ASPSCR1: variants seen among roughly 807,000 people sequenced by gnomAD.
ASPSCR1 encodes the protein ASPSCR1 tether for SLC2A4, UBX domain containing.
A neutral mutation model predicts 68.9 loss-of-function variants in ASPSCR1; 55 were observed. That is an observed-to-expected ratio of 0.80 (90% confidence interval 0.64 to 1.00). The LOEUF (loss-of-function observed/expected upper bound fraction) is 1.00, where lower values mean the gene tolerates loss of function less well. ASPSCR1 is among the 50% of genes least tolerant of loss of function. The pLI, the probability that ASPSCR1 is intolerant of heterozygous loss-of-function variation, is 0.00. For missense variants in ASPSCR1, 765 were observed against 762.2 expected (o/e 1.00, Z -0.04); for synonymous variants, 352 against 332.6 (o/e 1.06, Z -0.63).
chr17:82,011,225 C>T (rs932229956), intron 10 of ASPSCR1, among the ~76,000 whole-genome samples: 2 of 151,836 alleles, frequency 1.3e-5, no homozygotes, highest in East Asian at 1.9e-4. Flanking sequence ...TGACCTGTAC[C>T]CAGACGGCCG....
At chr17:81,993,508 C>T (rs539434848) in intron 4 of ASPSCR1, among the ~76,000 whole-genome samples, 13 of 152,276 alleles carry the variant, frequency 8.5e-5, no homozygotes, top group South Asian at 6.2e-4. Context: ...CCACCGCGCC[C>T]GGCTGAGTCC....
rs552197975 is a variant in ASPSCR1, at chr17:82,010,837, C to T, written c.1206C>T (p.Val402=). 2.6e-5 allele frequency: 42 copies of T among 1,613,144 alleles called. No homozygotes were observed. The South Asian group carries it at 4.2e-4, about 16-fold the overall frequency. ...ALRVLFPDRY[V]LQGFFRPSET... The stretch of plus-strand genomic sequence containing the variant: ...GGGTCCTGTTCCCCGACCGCTACGT[C>T]CTACAGGGCTTCTTCCGCCCCAGCG... The change falls in exon 10 of 16, where the codon GTC becomes GTT. Residue 402 remains valine (V), a synonymous_variant. Transcript: ENST00000306739.
In ASPSCR1 at chr17:81,977,901, T is replaced by C. The variant is rs1303787513; in HGVS notation, c.102+153T>C. 2.1e-6 allele frequency: 1 copy of C among 478,540 alleles called. No homozygotes were observed. The highest frequency in any genetic ancestry group is 3.1e-6 in the Non-Finnish European group (1 of 319,086). The allele number at this position is 478,540 out of a possible 1,614,324, so 29.6% of individuals were successfully genotyped here. A position where few individuals can be genotyped will look rare whatever the true frequency, so the allele number is the denominator to read the frequency against. On this transcript the variant is annotated intron_variant, in intron 1 of 15. Coordinates refer to ENST00000306739, the MANE Select transcript of ASPSCR1 (RefSeq NM_024083.4). The surrounding 1 kb of genome is among the most constrained non-coding windows in gnomAD (Gnocchi z 5.0). Reference sequence around the variant, plus strand: ...CGGCGGCCCCGCCCCCTGCTCGCCGTCACCTGCGCTTCCGCTGGGGTCCCG... The same window carrying C: ...CGGCGGCCCCGCCCCCTGCTCGCCGCCACCTGCGCTTCCGCTGGGGTCCCG...
At chr17:81,995,334 G>C (rs749763768) in intron 5 of ASPSCR1, 3 of 309,326 alleles carry the variant, frequency 9.7e-6, no homozygotes, top group African/African-American at 6.5e-5. Context: ...GACATTCCCC[G>C]CATTTATCCC....
intron 8 of ASPSCR1, 109 bp downstream of exon 8, chr17:82,009,300 C>G: frequency 6.9e-7 from 1 of 1,441,696 alleles, no homozygotes. Context: ...GGCCCAGGTC[C>G]CTGACAGGCT....
At chr17:82,011,982 G>T in intron 11 of ASPSCR1, 1 of 636,958 alleles carries the variant, frequency 1.6e-6, no homozygotes, top group Non-Finnish European at 2.8e-6. Flanking sequence ...CAAAGGGTTA[G>T]GCTGCCCACT....
rs897805044 is a variant in ASPSCR1 at position 81,987,490 on chromosome 17, C to T, written c.374+1883C>T. On this transcript the variant is annotated intron_variant, in intron 4 of 15. Transcript: ENST00000306739. The surrounding 1 kb of genome is among the most constrained non-coding windows in gnomAD (Gnocchi z 5.6). ...ACAGAATCCAGTGCTCCCACAGGCA[C>T]AGGTGCTTGGTGAGGGCCGTCCTCC... Among the ~76,000 whole-genome samples the T allele has an allele frequency of 1.3e-5, 2 of 152,202 alleles. No individual in the cohort carries two copies. Among genetic ancestry groups the T allele is most frequent in the African/African-American group, 2.4e-5 (1 of 41,446 alleles).
At chr17:81,980,063 A>G (rs535439608) in intron 2 of ASPSCR1, among the ~76,000 whole-genome samples, 4 of 152,094 alleles carry the variant, frequency 2.6e-5, no homozygotes, top group Admixed American at 2.0e-4. Context: ...GCTCACTGCA[A>G]CCTCCACCTC....
In ASPSCR1 at chr17:81,990,249, T is replaced by C. The variant is rs2042116585; in HGVS notation, c.375-4572T>C. On this transcript the variant is annotated intron_variant, in intron 4 of 15. Transcript: ENST00000306739. The surrounding 1 kb of genome is among the most constrained non-coding windows in gnomAD (Gnocchi z 4.1). ...TTGTGCAGAGTCCTTGAGACCTGCA[T>C]GTATGGTGCACTTGGAGCATCTCGG... 6.6e-6 allele frequency among the ~76,000 whole-genome samples: 1 copy of C among 152,178 alleles called. No homozygotes were observed.
chr17:82,002,848 G>T (rs761729576), intron 7 of ASPSCR1, among the ~76,000 whole-genome samples: 1 of 151,762 alleles, frequency 6.6e-6, no homozygotes, highest in African/African-American at 2.4e-5. Context: ...GTGAGCCACC[G>T]CGCCCGGCCT....
At chr17:82,016,742 G>A in intron 13 of ASPSCR1, 58 bp from the exon 14 acceptor site, 1 of 1,567,718 alleles carries the variant, frequency 6.4e-7, no homozygotes, top group African/African-American at 1.3e-5. Flanking sequence ...CAGATGCTGG[G>A]TGGATGGTGA....
chr17:81,984,949 G>A (rs113343287), intron 3 of ASPSCR1, among the ~76,000 whole-genome samples: 57 of 49,908 alleles, frequency 1.1e-3, no homozygotes, highest in African/African-American at 3.8e-3. Context: ...GCACACACCC[G>A]CACACACCCC....
intron 7 of ASPSCR1, chr17:82,006,123 A>G (rs7218409): frequency 0.16 from 20,750 of 130,168 alleles, 2,898 homozygotes; most frequent in African/African-American, 0.4. Context: ...CCTTGCGGGT[A>G]CACATGCGTG....
At position 81,983,554 on chromosome 17, in the gene ASPSCR1, G is replaced by A. The variant is rs1177577095; in HGVS notation, c.159G>A (p.Lys53=). 3.1e-6 allele frequency: 5 copies of A among 1,610,138 alleles called. No homozygotes were observed. In the African/African-American group the frequency reaches 5.3e-5, roughly 17 times the overall value. Reference sequence around the variant, plus strand: ...AAGTGTGCTCTGGTCTGTCTTGCAGGTTTCAGAGGAGCGTGCTCGACCTTT... The same window carrying A: ...AAGTGTGCTCTGGTCTGTCTTGCAGATTTCAGAGGAGCGTGCTCGACCTTT... ...QDFNPCEYDL[K]FQRSVLDLSL... Residue 53 remains lysine (K), a splice_region_variant and synonymous_variant, in exon 3 of 16, where the codon AAG becomes AAA. Coordinates refer to ENST00000306739, the MANE Select transcript of ASPSCR1 (RefSeq NM_024083.4). This position sits in a 1 kb window ranked among gnomAD's most constrained non-coding sequence, Gnocchi z 4.4.
chr17:81,997,104 C>G (rs7209747), intron 7 of ASPSCR1, among the ~76,000 whole-genome samples: 19 of 40,282 alleles, frequency 4.7e-4, no homozygotes, highest in Non-Finnish European at 9.1e-4. Context: ...GAGGCCGTGT[C>G]CGCTCCGGGA....
chr17:82,001,708 C>T (rs1408541733), intron 7 of ASPSCR1, among the ~76,000 whole-genome samples: 5 of 152,218 alleles, frequency 3.3e-5, no homozygotes, highest in Non-Finnish European at 2.9e-5. Flanking sequence ...CCTGGACTCT[C>T]CTCCCCGTTG....
At chr17:81,988,240 C>T (rs1421434535) in intron 4 of ASPSCR1, among the ~76,000 whole-genome samples, 1 of 148,696 alleles carries the variant, frequency 6.7e-6, no homozygotes, top group South Asian at 2.1e-4. Flanking sequence ...GTGGGTGGAT[C>T]ACCTGAGGTC....
Position 81,983,862 on chromosome 17 carries a change from GTT to G in ASPSCR1, c.273+206_273+207del, listed in dbSNP as rs376475909. On this transcript the variant is annotated intron_variant, in intron 3 of 15. Coordinates refer to ENST00000306739, the MANE Select transcript of ASPSCR1 (RefSeq NM_024083.4). This position sits in a 1 kb window ranked among gnomAD's most constrained non-coding sequence, Gnocchi z 4.4. ...TGGCAACTGAAAATGAGCATCTCATGTTTTTTTTTTTTTGAGCTGGAGTCTCG... is the reference window on the plus strand; with the variant it reads ...TGGCAACTGAAAATGAGCATCTCATGTTTTTTTTTTTGAGCTGGAGTCTCG... 2.1e-5 allele frequency among the ~76,000 whole-genome samples: 3 copies of G among 144,940 alleles called. No individual in the cohort carries two copies. The highest frequency in any genetic ancestry group is 1.5e-5 in the Non-Finnish European group (1 of 65,622).
chr17:82,016,422 G>A (rs2043127864), intron 12 of ASPSCR1, 54 bp from the exon 13 acceptor site: 8 of 1,497,874 alleles, frequency 5.3e-6, no homozygotes, highest in Non-Finnish European at 6.3e-6. Flanking sequence ...TGCCTTCACA[G>A]CAGGGGGGTG....
Sources: allele counts gnomAD v4.1 joint callset (sites outside exome capture counted in the v4.1 genomes callset), GRCh38; gene constraint gnomAD v4.1.1; non-coding constraint Gnocchi (gnomAD v3.1); transcripts MANE v1.5; gene names NCBI Gene and HGNC (gene_info 2026-07-23, HGNC 2026-07-21).